FANCA: variants seen among roughly 807,000 people sequenced by gnomAD.
The protein encoded by FANCA is Fanconi anemia group A protein.
FANCA carries 236 observed loss-of-function variants against 194.3 expected under a neutral mutation model. The observed-to-expected ratio is 1.21, with a 90% CI of 1.09 to 1.35. FANCA has a LOEUF of 1.35. Ranked by LOEUF, FANCA falls within the 40% of genes most tolerant of loss-of-function variation. The pLI is 0.00. For missense variants in FANCA, 2,628 were observed against 1,813.9 expected, an observed-to-expected ratio of 1.45 and a Z score of -8.15; for synonymous variants, 1,014 against 715.8, an observed-to-expected ratio of 1.42 and a Z score of -6.65.
At chr16:89,816,464 A>C in intron 1 of FANCA, 73 bp downstream of exon 1, 1 of 1,317,034 alleles carries the variant, frequency 7.6e-7, no homozygotes, top group Non-Finnish European at 1.0e-6. Context: ...TCTGGCGGGA[A>C]GGGATCGGGG....
At chr16:89,799,932 T>C (rs899977941) in intron 8 of FANCA, among the ~76,000 whole-genome samples, 2 of 152,108 alleles carry the variant, frequency 1.3e-5, no homozygotes, top group African/African-American at 4.8e-5. Flanking sequence ...AGGCAGAGCT[T>C]CCAGTGAGCT....
intron 30 of FANCA, among the ~76,000 whole-genome samples, chr16:89,755,981 G>A (rs1338750548): frequency 6.6e-6 from 1 of 152,104 alleles, no homozygotes; most frequent in Non-Finnish European, 1.5e-5. Flanking sequence ...ACCGCTCCCA[G>A]GCTATAAACC....
At chr16:89,772,160 T>C (rs1166290320) in intron 22 of FANCA, among the ~76,000 whole-genome samples, 1 of 152,242 alleles carries the variant, frequency 6.6e-6, no homozygotes, top group African/African-American at 2.4e-5. Flanking sequence ...GGTTCCATGT[T>C]GGCCCAGGGA....
chr16:89,769,886 C>T lies in FANCA; in HGVS notation c.2455G>A (p.Asp819Asn). Residue 819 changes from aspartate (D) to asparagine (N), a missense_variant, in exon 26 of 43, where the codon GAC becomes AAC. By Grantham distance (23) the Asp-to-Asn change is conservative. Transcript: ENST00000389301. ...CTCGTCCTACAGGTCAGGAGGCTGT[C>T]AAAGAGCGCAGGGACAGGAAGGCCA... ...GAGLPVPALF[D>N]SLLTCRTRDS... 1 of 1,614,096 alleles carries T rather than the reference C, an allele frequency of 6.2e-7. No homozygotes were observed. Among genetic ancestry groups the T allele is most frequent in the Middle Eastern group, 1.6e-4 (1 of 6,062 alleles).
chr16:89,752,216 C>G lies in FANCA; in HGVS notation c.2988G>C (p.Arg996Ser). 2 of 1,613,462 alleles carry G rather than the reference C, an allele frequency of 1.2e-6. No individual in the cohort carries two copies. Among genetic ancestry groups the G allele is most frequent in the Non-Finnish European group, 1.7e-6 (2 of 1,179,466 alleles). ...NALMDFHQSS[R>S]SYDHSENSDL... ...CAGAATTTTCTGAGTGGTCATAACT[C>G]CTTGAGCTGAAATGAAAATACAATA... The change falls in exon 31 of 43, where the codon AGG becomes AGC. Residue 996 changes from arginine to serine, a missense_variant. Arg to Ser is a moderately radical substitution (Grantham distance 110). Coordinates refer to ENST00000389301, the MANE Select transcript of FANCA (RefSeq NM_000135.4).
intron 7 of FANCA, among the ~76,000 whole-genome samples, chr16:89,804,717 T>A (rs1049725545): frequency 1.3e-5 from 2 of 152,042 alleles, no homozygotes; most frequent in African/African-American, 4.8e-5. Flanking sequence ...GACATTACAG[T>A]CCCAAGTTTT....
chr16:89,777,845 G>A (rs2039562026), intron 20 of FANCA, among the ~76,000 whole-genome samples: 1 of 151,666 alleles, frequency 6.6e-6, no homozygotes, highest in Admixed American at 6.6e-5. Context: ...CAATCATTAT[G>A]TACTGAAACA....
intron 2 of FANCA, 63 bp from the exon 3 acceptor site, chr16:89,814,676 C>G (rs1389376332): frequency 1.7e-6 from 2 of 1,188,212 alleles, no homozygotes; most frequent in Non-Finnish European, 2.5e-6. Flanking sequence ...GGCGTAGTGG[C>G]TCACGCCTGT....
chr16:89,765,213 G>T, intron 27 of FANCA, 147 bp from the exon 28 acceptor site: 2 of 911,770 alleles, frequency 2.2e-6, no homozygotes, highest in South Asian at 1.4e-5. Context: ...CTGGGAGGGC[G>T]CAATACACGA....
chr16:89,798,314 T>C lies in FANCA; in HGVS notation c.893+852A>G, dbSNP rs556552822. 464 of 1,020,754 alleles carry C rather than the reference T, an allele frequency of 4.5e-4. 1 individual carries two copies. Among genetic ancestry groups the C allele is most frequent in the Non-Finnish European group, 5.2e-4 (441 of 850,124 alleles). The allele number at this position is 1,020,754 out of a possible 1,614,324, so 63.2% of individuals were successfully genotyped here. On this transcript the variant is annotated intron_variant, in intron 10 of 42. Transcript: ENST00000389301. ...CGTCCACACCGCAGTCTCTGGCACT[T>C]TGTTACAGCAGCCCAAGCTAACTGA... is the stretch of plus-strand genomic sequence containing the variant.
intron 36 of FANCA, 22 bp downstream of exon 36, chr16:89,744,937 C>A: frequency 6.2e-7 from 1 of 1,605,660 alleles, no homozygotes; most frequent in Non-Finnish European, 8.5e-7. Context: ...CGGGCACACC[C>A]CATCTCACCA....
At chr16:89,748,480 C>T (rs539820938) in intron 33 of FANCA, among the ~76,000 whole-genome samples, 179 bp downstream of exon 33, 6 of 152,354 alleles carry the variant, frequency 3.9e-5, no homozygotes, top group African/African-American at 1.2e-4. Flanking sequence ...TGCTGGTCGC[C>T]GTCCTGGCTG....
chr16:89,809,371 C>A (rs1311794224), intron 5 of FANCA, among the ~76,000 whole-genome samples: 1 of 151,974 alleles, frequency 6.6e-6, no homozygotes, highest in African/African-American at 2.4e-5. Flanking sequence ...GGGCAGGGAC[C>A]AAAGCAATAA....
Position 89,737,680 on chromosome 16 carries a change from G to A in FANCA, c.*921C>T. On this transcript the variant is annotated 3_prime_UTR_variant, in exon 43 of 43. Coordinates refer to ENST00000389301, the MANE Select transcript of FANCA (RefSeq NM_000135.4). Reference sequence around the variant, plus strand: ...AGGCCCTCATAGGCCCCTTGCTTGGGCCCACTGCATGGTGAACCATGTGCA... The same window carrying A: ...AGGCCCTCATAGGCCCCTTGCTTGGACCCACTGCATGGTGAACCATGTGCA... The A allele has an allele frequency of 2.0e-6, 3 of 1,535,858 alleles. No individual in the cohort carries two copies. The South Asian group carries it at 3.8e-5, about 19-fold the overall frequency.
intron 8 of FANCA, among the ~76,000 whole-genome samples, chr16:89,800,474 G>A (rs1016334299): frequency 1.3e-5 from 2 of 152,134 alleles, no homozygotes; most frequent in Non-Finnish European, 2.9e-5. Context: ...AATTTGGGAC[G>A]TATCCAAAAC....
intron 18 of FANCA, 81 bp downstream of exon 18, chr16:89,779,788 G>T: frequency 8.6e-7 from 1 of 1,164,886 alleles, no homozygotes. Context: ...CATCAGAGCA[G>T]AGTCTGCACA....
At chr16:89,770,517 G>A (rs1300212554) in intron 24 of FANCA, 47 bp downstream of exon 24, 2 of 1,536,698 alleles carry the variant, frequency 1.3e-6, no homozygotes, top group Non-Finnish European at 1.8e-6. Context: ...AGCAAGAGGT[G>A]GCACCCAGAG....
chr16:89,789,004 C>G (rs751949473), intron 14 of FANCA, among the ~76,000 whole-genome samples: 1 of 152,010 alleles, frequency 6.6e-6, no homozygotes, highest in African/African-American at 2.4e-5. Context: ...GAAAAAGCAG[C>G]CCAGGGAGAC....
rs772262735 is a variant in FANCA at position 89,739,578 on chromosome 16, G to A, written c.3935-25C>T. ...TCTGCAACACCAAGAAGTGGCTCAG[G>A]CAACTCTGGACATCTCTGCCTATTA... On this transcript the variant is annotated intron_variant, in intron 39 of 42. Coordinates refer to ENST00000389301, the MANE Select transcript of FANCA (RefSeq NM_000135.4). 5.2e-6 allele frequency: 8 copies of A among 1,549,926 alleles called. No homozygotes were observed. In the East Asian group the frequency reaches 1.5e-4, roughly 28 times the overall value.
Sources: allele counts gnomAD v4.1 joint callset (sites outside exome capture counted in the v4.1 genomes callset), GRCh38; gene constraint gnomAD v4.1.1; transcripts MANE v1.5; gene names NCBI Gene and HGNC (gene_info 2026-07-23, HGNC 2026-07-21).